Variants in ASIC2 observed in about 807,000 individuals in gnomAD.
ASIC2 encodes the protein acid sensing ion channel subunit 2.
ASIC2 carries 25 observed loss-of-function variants against 57.3 expected under a neutral mutation model. That is an observed-to-expected ratio of 0.44 (90% CI 0.32 to 0.61). The LOEUF (loss-of-function observed/expected upper bound fraction) is 0.61, where lower values mean the gene tolerates loss of function less well. Ranked by LOEUF, ASIC2 falls within the 20% of genes least tolerant of loss-of-function variation. The pLI, the probability that ASIC2 is intolerant of heterozygous loss-of-function variation, is 0.06. For missense variants in ASIC2, 641 were observed against 738.1 expected (o/e 0.87, Z 1.52); for synonymous variants, 319 against 307.5 (o/e 1.04, Z -0.39).
intron 1 of ASIC2, among the ~76,000 whole-genome samples, chr17:33,946,826 C>T (rs1311078983): frequency 1.3e-5 from 2 of 152,140 alleles, no homozygotes; most frequent in Non-Finnish European, 2.9e-5. Flanking sequence ...GAAAGAGTAG[C>T]AGAGACAGGG....
At chr17:33,793,980 T>G (rs1011114990) in intron 1 of ASIC2, 31 of 152,282 alleles carry the variant, frequency 2.0e-4, no homozygotes, top group African/African-American at 6.5e-4. Context: ...ACAGTAAAAC[T>G]TAAGAGCACA....
chr17:33,994,913 A>G (rs1906109411), intron 1 of ASIC2, among the ~76,000 whole-genome samples: 1 of 152,160 alleles, frequency 6.6e-6, no homozygotes, highest in Non-Finnish European at 1.5e-5. Context: ...TTGAGATGAG[A>G]TTTCAAATAT....
At chr17:33,903,716 C>T (rs1284573347) in intron 1 of ASIC2, among the ~76,000 whole-genome samples, 2 of 152,142 alleles carry the variant, frequency 1.3e-5, no homozygotes, top group Non-Finnish European at 2.9e-5. Context: ...GGGGTTTGGA[C>T]ATGAGATGAG....
rs779601134 is a variant in ASIC2 at position 33,013,479 on chromosome 17, C to T, written c.*486G>A. On this transcript the variant is annotated 3_prime_UTR_variant, in exon 10 of 10. Transcript: ENST00000225823. The stretch of plus-strand genomic sequence containing the variant: ...TGGGCAGGTTAAGAACTTTCACAAA[C>T]GACACAAGAACTGAATGTAGCAGAG... 3.6e-4 allele frequency: 56 copies of T among 155,546 alleles called. No homozygotes were observed. Among genetic ancestry groups the T allele is most frequent in the Admixed American group, 5.6e-4 (9 of 15,996 alleles). The allele number at this position is 155,546 out of a possible 1,614,324, so 9.6% of individuals were successfully genotyped here.
intron 1 of ASIC2, among the ~76,000 whole-genome samples, chr17:33,490,582 A>C (rs1913721335): frequency 6.6e-6 from 1 of 152,174 alleles, no homozygotes; most frequent in Non-Finnish European, 1.5e-5. Context: ...TGATTTTATA[A>C]AGCGGGGTCT....
chr17:34,042,350 CAATAG>C (rs763178382), intron 1 of ASIC2, among the ~76,000 whole-genome samples: 3 of 152,008 alleles, frequency 2.0e-5, no homozygotes, highest in Non-Finnish European at 2.9e-5. Flanking sequence ...GAATGATAAA[CAATAG>C]AATACTACTC....
chr17:34,039,742 G>A lies in ASIC2; in HGVS notation c.555+116236C>T. 4 of 1,612,242 alleles carry A rather than the reference G, an allele frequency of 2.5e-6. No individual in the cohort carries two copies. The South Asian group carries it at 3.3e-5, about 13-fold the overall frequency. On this transcript the variant is annotated intron_variant, in intron 1 of 9. Coordinates refer to the ASIC2 transcript ENST00000359872. Reference sequence around the variant, plus strand: ...AGTCTCTACTTCTTTATCACTCAAGGATCCGACGCTGCACAAGCTCTGGTT... The same window carrying A: ...AGTCTCTACTTCTTTATCACTCAAGAATCCGACGCTGCACAAGCTCTGGTT...
intron 1 of ASIC2, among the ~76,000 whole-genome samples, chr17:33,587,157 G>A (rs932995540): frequency 1.2e-4 from 19 of 152,120 alleles, no homozygotes; most frequent in African/African-American, 4.6e-4. Context: ...GCTGTTTTTG[G>A]TGCTACCATG....
At chr17:33,186,064 G>A (rs189171532) in intron 1 of ASIC2, among the ~76,000 whole-genome samples, 185 of 152,246 alleles carry the variant, frequency 1.2e-3, no homozygotes, top group African/African-American at 4.1e-3. Flanking sequence ...GAAATTTGCC[G>A]TTTGATATTT....
chr17:33,128,338 A>G (rs2092332387), intron 1 of ASIC2, among the ~76,000 whole-genome samples: 1 of 152,142 alleles, frequency 6.6e-6, no homozygotes, highest in Admixed American at 6.5e-5. Context: ...TCAAGCCCCA[A>G]TTGCTGCATA....
chr17:33,259,007 G>T (rs1334257022), intron 1 of ASIC2, among the ~76,000 whole-genome samples: 5 of 152,184 alleles, frequency 3.3e-5, no homozygotes, highest in Non-Finnish European at 7.3e-5. Context: ...TGTGTGTGGG[G>T]TGAGGAGTGG....
At chr17:33,650,881 C>T (rs1344723057) in intron 1 of ASIC2, among the ~76,000 whole-genome samples, 1 of 152,118 alleles carries the variant, frequency 6.6e-6, no homozygotes, top group Non-Finnish European at 1.5e-5. Context: ...ATGAAGGATC[C>T]TTGTGGTGAT....
chr17:33,315,958 ACAT>A (rs1906627527), intron 1 of ASIC2, among the ~76,000 whole-genome samples: 1 of 152,206 alleles, frequency 6.6e-6, no homozygotes, highest in Non-Finnish European at 1.5e-5. Context: ...CTCCTCTGCA[ACAT>A]GGAACTGATA....
At position 33,216,920 on chromosome 17, in the gene ASIC2, G is replaced by C. The variant is rs115222468; in HGVS notation, c.708+74488C>G. Among the ~76,000 whole-genome samples the C allele has an allele frequency of 3.1e-3, 476 of 152,280 alleles. 2 individuals carry two copies. The highest frequency in any genetic ancestry group is 0.011 in the African/African-American group (440 of 41,556). The stretch of plus-strand genomic sequence containing the variant: ...TAATTGAGGTGAGAAACAGTGAAGG[G>C]GTGGCCATGGAGAGAGGGAGGCAGT... On this transcript the variant is annotated intron_variant, in intron 1 of 9. Coordinates refer to ENST00000225823, the MANE Select transcript of ASIC2 (RefSeq NM_183377.2).
In ASIC2 at chr17:34,132,843, C is replaced by A. The variant is rs572575334; in HGVS notation, c.555+23135G>T. On this transcript the variant is annotated intron_variant, in intron 1 of 9. Coordinates refer to the ASIC2 transcript ENST00000359872. The stretch of plus-strand genomic sequence containing the variant: ...GTGAAGTCTCAGGTAAAAAATCAGG[C>A]CATACTTCAACCATCCATCCTGGAA... Among the ~76,000 whole-genome samples the A allele has an allele frequency of 6.8e-4, 104 of 152,272 alleles. 1 individual carries two copies. The highest frequency in any genetic ancestry group is 1.3e-3 in the Non-Finnish European group (86 of 68,022).
At chr17:33,163,480 C>T (rs1367759591) in intron 1 of ASIC2, among the ~76,000 whole-genome samples, 3 of 152,024 alleles carry the variant, frequency 2.0e-5, no homozygotes, top group Non-Finnish European at 4.4e-5. Context: ...GTCATCTACC[C>T]ACCTCCTGCC....
intron 1 of ASIC2, among the ~76,000 whole-genome samples, chr17:33,825,142 T>G (rs1371421769): frequency 3.9e-5 from 6 of 152,234 alleles, no homozygotes; most frequent in Non-Finnish European, 7.3e-5. Flanking sequence ...CCATGTCTTC[T>G]ATTTTTTGTC....
At chr17:34,147,479 C>A (rs535533590) in intron 1 of ASIC2, among the ~76,000 whole-genome samples, 1 of 152,208 alleles carries the variant, frequency 6.6e-6, no homozygotes, top group Non-Finnish European at 1.5e-5. Flanking sequence ...TTGGGGAATG[C>A]TGTCCTCAAA....
intron 1 of ASIC2, among the ~76,000 whole-genome samples, chr17:33,883,398 A>G (rs574976402): frequency 6.6e-6 from 1 of 152,244 alleles, no homozygotes; most frequent in Admixed American, 6.5e-5. Flanking sequence ...GTATCCAGGA[A>G]GAAGCAGGTG....
Sources: allele counts gnomAD v4.1 joint callset (sites outside exome capture counted in the v4.1 genomes callset), GRCh38; gene constraint gnomAD v4.1.1; transcripts MANE v1.5; gene names NCBI Gene and HGNC (gene_info 2026-07-23, HGNC 2026-07-21).